The following KCTD1 variants were observed in gnomAD, a reference collection of about 807,000 sequenced individuals.
The protein encoded by KCTD1 is BTB/POZ domain-containing protein KCTD1.
KCTD1 carries 24 observed loss-of-function variants against 66.0 expected under a neutral mutation model. The ratio of observed to expected loss-of-function variants is 0.36; its 90% CI spans 0.26 to 0.51. The LOEUF (loss-of-function observed/expected upper bound fraction) is 0.51. Ranked by LOEUF, KCTD1 falls within the 20% of genes least tolerant of loss-of-function variation. KCTD1 has a pLI of 0.95. For missense variants in KCTD1, 943 were observed against 1,205.2 expected (o/e 0.78, Z 3.22); for synonymous variants, 511 against 517.2 (o/e 0.99, Z 0.16).
chr18:26,581,201 T>G (rs1598951051), intron 1 of KCTD1: 1 of 152,208 alleles, frequency 6.6e-6, no homozygotes, highest in South Asian at 2.1e-4. Context: ...TCTCTAAATA[T>G]TCCACTAGGA....
chr18:26,548,259 T>C lies in KCTD1; in HGVS notation c.278A>G (p.Glu93Gly). 1 of 1,452,008 alleles carries C rather than the reference T, an allele frequency of 6.9e-7. No individual in the cohort carries two copies. The highest frequency in any genetic ancestry group is 9.1e-7 in the Non-Finnish European group (1 of 1,104,426). The allele number at this position is 1,452,008 out of a possible 1,614,324, so 89.9% of individuals were successfully genotyped here. A position where few individuals can be genotyped will look rare whatever the true frequency, so the allele number is the denominator to read the frequency against. The part of the protein sequence containing the change: ...GGLEEDEEEE[E>G]EEEMGLDWDE... ...CCAGTCCAGCCCCATCTCCTCCTCT[T>C]CCTCCTCCTCCTCGTCCTCCTCCAG... is the stretch of plus-strand genomic sequence containing the variant. The change falls in exon 1 of 5, where the codon GAA becomes GGA. Residue 93 changes from glutamate (E) to glycine (G), a missense_variant. Glu to Gly is a moderately conservative substitution (Grantham distance 98, BLOSUM62 -2). This residue lies in a region of KCTD1 where 236 missense variants were observed against 206.6 expected (regional missense o/e 1.14). Transcript: ENST00000580059.
chr18:26,611,201 T>C (rs1026669236), intron 1 of KCTD1, among the ~76,000 whole-genome samples: 6 of 152,200 alleles, frequency 3.9e-5, no homozygotes, highest in African/African-American at 1.4e-4. Flanking sequence ...TCAACATCAT[T>C]AATCTTTTCA....
At chr18:26,461,781 ATT>A (rs1567954234) in intron 3 of KCTD1, among the ~76,000 whole-genome samples, 2 of 152,194 alleles carry the variant, frequency 1.3e-5, no homozygotes, top group Non-Finnish European at 2.9e-5. Flanking sequence ...GTGAGATTTA[ATT>A]ACAAAACTTA....
chr18:26,504,421 G>C (rs547755870), intron 1 of KCTD1, among the ~76,000 whole-genome samples: 18 of 152,302 alleles, frequency 1.2e-4, no homozygotes, highest in African/African-American at 4.3e-4. Context: ...AGTAGAGACA[G>C]GGTTTCGCCA....
intron 1 of KCTD1, among the ~76,000 whole-genome samples, chr18:26,619,549 T>G (rs1987327127): frequency 1.3e-5 from 2 of 152,194 alleles, no homozygotes; most frequent in Non-Finnish European, 2.9e-5. Flanking sequence ...TGGTTTTGTG[T>G]AGGCTTCCAT....
At chr18:26,491,270 C>T (rs879728483) in intron 2 of KCTD1, among the ~76,000 whole-genome samples, 1 of 152,076 alleles carries the variant, frequency 6.6e-6, no homozygotes, top group East Asian at 1.9e-4. Context: ...CAGCCATGGG[C>T]CTCAATCCTC....
chr18:26,581,510 A>C (rs957302864), intron 1 of KCTD1: 1 of 152,384 alleles, frequency 6.6e-6, no homozygotes, highest in East Asian at 1.9e-4. Context: ...CTCCCGCCTC[A>C]GCCTCCCAAA....
At position 26,620,833 on chromosome 18, in the gene KCTD1, C is replaced by CTT. The variant is rs67862567; in HGVS notation, c.-16+8312_-16+8313dup. Among the ~76,000 whole-genome samples the CTT allele has an allele frequency of 3.8e-3, 450 of 118,312 alleles. 11 individuals carry two copies. The highest frequency in any genetic ancestry group is 6.8e-3 in the South Asian group (24 of 3,542). The allele number at this position is 118,312 out of a possible 152,430, so 77.6% of individuals were successfully genotyped here. Reference sequence around the variant, plus strand: ...CAGTCATCCTGAAACACTTGAAAAGCTTTTTTTTTTTTTTTTTGAGACAGA... The same window carrying CTT: ...CAGTCATCCTGAAACACTTGAAAAGCTTTTTTTTTTTTTTTTTTTGAGACAGA... On this transcript the variant is annotated intron_variant, in intron 1 of 4. Coordinates refer to the KCTD1 transcript ENST00000317932.
At chr18:26,626,470 ATTTTTT>A (rs71169868) in intron 1 of KCTD1, among the ~76,000 whole-genome samples, 17 of 108,196 alleles carry the variant, frequency 1.6e-4, no homozygotes, top group African/African-American at 5.3e-4. Flanking sequence ...TGAGGAGGTG[ATTTTTT>A]TTTTTTTTTT....
intron 1 of KCTD1, among the ~76,000 whole-genome samples, chr18:26,652,887 T>C (rs1012629376): frequency 2.6e-5 from 4 of 152,222 alleles, no homozygotes; most frequent in African/African-American, 9.6e-5. Flanking sequence ...TTCCCGCGTC[T>C]ATTCAATTAA....
At chr18:26,602,407 T>G (rs1309878149) in intron 1 of KCTD1, among the ~76,000 whole-genome samples, 1 of 152,258 alleles carries the variant, frequency 6.6e-6, no homozygotes, top group Non-Finnish European at 1.5e-5. Flanking sequence ...TTTTCTGTCT[T>G]GTGATGGCTT....
At chr18:26,564,876 C>G (rs879556625) in intron 1 of KCTD1, among the ~76,000 whole-genome samples, 1 of 149,484 alleles carries the variant, frequency 6.7e-6, no homozygotes, top group African/African-American at 2.5e-5. Context: ...GCAACAAGAA[C>G]CAAACTCTGT....
intron 1 of KCTD1, among the ~76,000 whole-genome samples, chr18:26,612,837 T>C (rs1987165689): frequency 6.6e-6 from 1 of 152,224 alleles, no homozygotes; most frequent in Admixed American, 6.5e-5. Context: ...TTTCCACCTC[T>C]CATTTTTTCG....
intron 1 of KCTD1, among the ~76,000 whole-genome samples, chr18:26,513,366 C>T (rs1441481639): frequency 3.9e-5 from 6 of 152,072 alleles, no homozygotes; most frequent in Non-Finnish European, 2.9e-5. Flanking sequence ...GGATTACAGG[C>T]GTGAGCCACC....
chr18:26,497,112 G>C (rs1205882060), intron 2 of KCTD1, among the ~76,000 whole-genome samples: 1 of 152,176 alleles, frequency 6.6e-6, no homozygotes, highest in Non-Finnish European at 1.5e-5. Flanking sequence ...AGGTTAAGTA[G>C]AGACAGAATT....
Position 26,547,430 on chromosome 18 carries a change from G to A in KCTD1, c.1107C>T (p.Ser369=), listed in dbSNP as rs762015907. ...TGCGGGGCAAGTTCTCCTCGTCGCTGCTCTCGGCGCGCTTCTTGCTCCACG... is the reference window on the plus strand; with the variant it reads ...TGCGGGGCAAGTTCTCCTCGTCGCTACTCTCGGCGCGCTTCTTGCTCCACG... ...SSSWSKKRAE[S]SDEENLPRMY... is the part of the protein sequence containing the mutation. The change falls in exon 1 of 5, where the codon AGC becomes AGT. Residue 369 remains serine, a synonymous_variant. Coordinates refer to ENST00000580059, the MANE Select transcript of KCTD1 (RefSeq NM_001142730.3). The A allele has an allele frequency of 3.0e-5, 47 of 1,551,248 alleles. No homozygotes were observed. Among genetic ancestry groups the A allele is most frequent in the Non-Finnish European group, 3.9e-5 (45 of 1,146,814 alleles).
intron 1 of KCTD1, among the ~76,000 whole-genome samples, chr18:26,596,668 A>G (rs775263632): frequency 3.3e-5 from 5 of 152,212 alleles, no homozygotes; most frequent in African/African-American, 1.2e-4. Context: ...CTTAAATATC[A>G]GGTTCTTCTT....
At chr18:26,599,884 G>C in intron 1 of KCTD1, 1 of 1,556,002 alleles carries the variant, frequency 6.4e-7, no homozygotes, top group South Asian at 1.1e-5. Flanking sequence ...TCAGATCACA[G>C]GCAAAAAGCA....
At chr18:26,627,514 A>T (rs1451426404) in intron 1 of KCTD1, among the ~76,000 whole-genome samples, 1 of 152,166 alleles carries the variant, frequency 6.6e-6, no homozygotes, top group Admixed American at 6.5e-5. Context: ...ATATAGTTCA[A>T]TTGTGCAACT....
Sources: gnomAD v4.1 joint callset for allele counts (sites outside exome capture counted in the v4.1 genomes callset) on GRCh38, gnomAD v4.1.1 for gene constraint, gnomAD v4.1.1 regional missense constraint, MANE v1.5 for transcripts, NCBI Gene and HGNC (gene_info 2026-07-23, HGNC 2026-07-21) for gene names.